The following ROBO4 variants were observed in gnomAD, a reference collection of about 807,000 sequenced individuals.
ROBO4 encodes the protein roundabout guidance receptor 4, also known as roundabout homolog 4.
A neutral mutation model predicts 103.3 loss-of-function variants in ROBO4; 80 were observed. The ratio of observed to expected loss-of-function variants is 0.77; its 90% confidence interval spans 0.65 to 0.93. The LOEUF (loss-of-function observed/expected upper bound fraction) is 0.93, where lower values mean the gene tolerates loss of function less well. ROBO4 is among the 40% of genes least tolerant of loss of function. The probability of loss-of-function intolerance (pLI) is 0.00; values close to 1 mark genes in which losing one functional copy is unlikely to be tolerated. For synonymous variants in ROBO4, 504 were observed against 529.7 expected, an observed-to-expected ratio of 0.95 and a Z score of 0.67; for missense variants, 1,333 against 1,305.3, an observed-to-expected ratio of 1.02 and a Z score of -0.33.
In ROBO4 at chr11:124,884,030, C is replaced by T. The variant is rs552593368; in HGVS notation, c.*861G>A. The T allele has an allele frequency of 6.6e-6, 1 of 152,290 alleles. No homozygotes were observed. The highest frequency in any genetic ancestry group is 6.5e-5 in the Admixed American group (1 of 15,284). 9.4% of individuals were successfully genotyped at this position (152,290 alleles called of 1,614,324 possible). On this transcript the variant is annotated 3_prime_UTR_variant, in exon 18 of 18. Coordinates refer to ENST00000306534, the MANE Select transcript of ROBO4 (RefSeq NM_019055.6). ...CCAGCAGACCCTGAAACTCCCCACCCCTGCCCTTCCTATATTCTGCTTAAA... is the reference window on the plus strand; with the variant it reads ...CCAGCAGACCCTGAAACTCCCCACCTCTGCCCTTCCTATATTCTGCTTAAA...
At chr11:124,892,094 T>G in intron 10 of ROBO4, 1 of 612,934 alleles carries the variant, frequency 1.6e-6, no homozygotes, top group Non-Finnish European at 3.0e-6. Flanking sequence ...TGAAGACAAA[T>G]CTGGTTTGAC....
chr11:124,886,433 G>A (rs1425868911), intron 16 of ROBO4, 31 bp downstream of exon 16: 1 of 1,538,214 alleles, frequency 6.5e-7, no homozygotes, highest in South Asian at 1.1e-5. Flanking sequence ...AGGGGCATGA[G>A]TGAGGAGTAA....
At position 124,887,000 on chromosome 11, in the gene ROBO4, G is replaced by A. The variant is rs1472597814; in HGVS notation, c.2412C>T (p.Leu804=). ...TPEEVALCLE[L]SEGEETPRNS... is the part of the protein sequence containing the mutation. The stretch of plus-strand genomic sequence containing the variant: ...ACCTGGGAGTCTCCTCACCCTCACT[G>A]AGTTCCAAGCACAGGGCTACCTCCT... Residue 804 remains leucine (L), a synonymous_variant, in exon 15 of 18, where the codon CTC becomes CTT. Transcript: ENST00000306534. 1.2e-6 allele frequency: 2 copies of A among 1,612,252 alleles called. No individual in the cohort carries two copies. The highest frequency in any genetic ancestry group is 1.7e-6 in the Non-Finnish European group (2 of 1,178,770).
chr11:124,891,408 C>T lies in ROBO4; in HGVS notation c.1839G>A (p.Gln613=). 6.3e-7 allele frequency: 1 copy of T among 1,582,468 alleles called. No homozygotes were observed. Among genetic ancestry groups the T allele is most frequent in the African/African-American group, 1.3e-5 (1 of 74,572 alleles). ...CTGAGCTGGAACAGGGGCTGGAGAG[C>T]TGGGCCAGCTGGGGTGGGAGGCGCC... is the stretch of plus-strand genomic sequence containing the variant. ...AVRRLPPQLA[Q]LSSPCSSSDS... The change falls in exon 12 of 18, where the codon CAG becomes CAA. Residue 613 remains glutamine, a synonymous_variant. Transcript: ENST00000306534.
Position 124,896,638 on chromosome 11 carries a change from C to T in ROBO4, c.433G>A (p.Asp145Asn), listed in dbSNP as rs779017604. 2 of 1,614,178 alleles carry T rather than the reference C, an allele frequency of 1.2e-6. No homozygotes were observed. Among genetic ancestry groups the T allele is most frequent in the Non-Finnish European group, 1.7e-6 (2 of 1,180,022 alleles). Residue 145 changes from aspartate (D) to asparagine (N), a missense_variant, in exon 3 of 18, where the codon GAC becomes AAC. Physicochemically the swap from Asp to Asn is conservative, Grantham distance 23 (BLOSUM62 1). Transcript: ENST00000306534. ...LREDFQIQPR[D>N]MVAVVGEQFT... Reference sequence around the variant, plus strand: ...TGCTCACCCACCACAGCCACCATGTCCCGAGGCTGGATCTGGAAATCCTCC... The same window carrying T: ...TGCTCACCCACCACAGCCACCATGTTCCGAGGCTGGATCTGGAAATCCTCC...
chr11:124,895,098 T>A lies in ROBO4; in HGVS notation c.1132A>T (p.Ile378Phe). 6.2e-7 allele frequency: 1 copy of A among 1,613,728 alleles called. No individual in the cohort carries two copies. The highest frequency in any genetic ancestry group is 8.5e-7 in the Non-Finnish European group (1 of 1,179,646). Reference sequence around the variant, plus strand: ...GGGGGTACCTGGTAGCCACGGATGATGCCATTGTGGTTTTCAGCAGGTGGT... The same window carrying A: ...GGGGGTACCTGGTAGCCACGGATGAAGCCATTGTGGTTTTCAGCAGGTGGT... Reference protein sequence around the residue: ...VPPPAENHNGIIRGYQVWSLG... With the variant: ...VPPPAENHNGFIRGYQVWSLG... Residue 378 changes from isoleucine (I) to phenylalanine (F), a missense_variant, in exon 7 of 18, where the codon ATC becomes TTC. Ile to Phe is a conservative substitution (Grantham distance 21, BLOSUM62 0). Transcript: ENST00000306534.
In ROBO4 at chr11:124,895,824, C is replaced by T. The variant is rs1358889913; in HGVS notation, c.768G>A (p.Glu256=). 13 of 1,614,178 alleles carry T rather than the reference C, an allele frequency of 8.1e-6. No individual in the cohort carries two copies. Among genetic ancestry groups the T allele is most frequent in the Non-Finnish European group, 1.1e-5 (13 of 1,180,048 alleles). ...ACACCGCCGGTCTAGGCTTGGGGCC[C>T]TCTGCAGGATCCGGGTTCAGCAGTG... is the stretch of plus-strand genomic sequence containing the variant. ...NVTLLNPDPA[E]GPKPRPAVWL... The change falls in exon 5 of 18, where the codon GAG becomes GAA. Residue 256 remains glutamate (E), a synonymous_variant. Coordinates refer to ENST00000306534, the MANE Select transcript of ROBO4 (RefSeq NM_019055.6).
rs138947211 is a variant in ROBO4 at position 124,892,485 on chromosome 11, C to T, written c.1548-683G>A. Reference sequence around the variant, plus strand: ...ATAGCCTTTGCTCTGACCCATCTCACACCCTATACCCGAGCCAGAACAAAT... The same window carrying T: ...ATAGCCTTTGCTCTGACCCATCTCATACCCTATACCCGAGCCAGAACAAAT... On this transcript the variant is annotated intron_variant, in intron 10 of 17. Transcript: ENST00000306534. 159 of 169,702 alleles carry T rather than the reference C, an allele frequency of 9.4e-4. 2 individuals are homozygous for T. The highest frequency in any genetic ancestry group is 3.5e-3 in the African/African-American group (145 of 41,938). 10.5% of individuals were successfully genotyped at this position (169,702 alleles called of 1,614,324 possible).
chr11:124,886,535 C>G lies in ROBO4; in HGVS notation c.2723G>C (p.Arg908Pro). The change falls in exon 16 of 18, where the codon CGG becomes CCG. Residue 908 changes from arginine (R) to proline (P), a missense_variant. By Grantham distance (103) the Arg-to-Pro change is moderately radical (BLOSUM62 -2). Transcript: ENST00000306534. ...GCTATCCACAGCCACTGCCAGGGCC[C>G]GGGCAAAGTGAGCATCAGCGAGGAA... ...GSFLADAHFA[R>P]ALAVAVDSFG... 1.2e-6 allele frequency: 2 copies of G among 1,614,212 alleles called. No homozygotes were observed. Among genetic ancestry groups the G allele is most frequent in the Non-Finnish European group, 1.7e-6 (2 of 1,180,048 alleles).
chr11:124,895,347 G>A (rs1253333500), intron 6 of ROBO4, 110 bp downstream of exon 6: 5 of 1,222,234 alleles, frequency 4.1e-6, no homozygotes, highest in Admixed American at 1.9e-5. Flanking sequence ...GGAGTCCCAG[G>A]GTAGGACCCA....
rs755088778 is a variant in ROBO4 at position 124,897,148 on chromosome 11, T to C, written c.184A>G (p.Thr62Ala). The C allele has an allele frequency of 5.1e-6, 8 of 1,562,418 alleles. No homozygotes were observed. Among genetic ancestry groups the C allele is most frequent in the Non-Finnish European group, 6.9e-6 (8 of 1,151,810 alleles). ...TGCCCATTCAGCAACCAGCGGATGG[T>C]GGGAGGTGGCTGGCCTGAGGCTTGG... ...SCQASGQPPP[T>A]IRWLLNGQPL... The change falls in exon 2 of 18, where the codon ACC becomes GCC. Residue 62 changes from threonine (T) to alanine (A), a missense_variant. Physicochemically the swap from Thr to Ala is moderately conservative, Grantham distance 58. Transcript: ENST00000306534.
At chr11:124,894,487 T>C (rs1002078077) in intron 7 of ROBO4, 118 bp from the exon 8 acceptor site, 1 of 977,948 alleles carries the variant, frequency 1.0e-6, no homozygotes, top group South Asian at 1.8e-5. Flanking sequence ...ACTTGGGGAA[T>C]GCACCCAATT....
chr11:124,886,676 C>A lies in ROBO4; in HGVS notation c.2582G>T (p.Arg861Leu), dbSNP rs761929531. 1.1e-5 allele frequency: 17 copies of A among 1,613,084 alleles called. No homozygotes were observed. The South Asian group carries it at 1.5e-4, about 15-fold the overall frequency. The change falls in exon 16 of 18, where the codon CGG becomes CTG. Residue 861 changes from arginine (R) to leucine (L), a missense_variant. Arg to Leu is a moderately radical substitution (Grantham distance 102). Coordinates refer to ENST00000306534, the MANE Select transcript of ROBO4 (RefSeq NM_019055.6). ...PKGGVLLCPP[R>L]PCLTPTPSEG... ...GCTGGGGGTGGGGGTGAGGCAGGGC[C>A]GAGGTGGGCACAGCAAGACTCCCCC...
chr11:124,890,103 T>C (rs955836974), intron 12 of ROBO4, among the ~76,000 whole-genome samples: 1 of 152,192 alleles, frequency 6.6e-6, no homozygotes, highest in Non-Finnish European at 1.5e-5. Context: ...TTAAAGTTGG[T>C]GTAGTTCTCC....
Position 124,896,636 on chromosome 11 carries a change from G to C in ROBO4, c.435C>G (p.Asp145Glu), listed in dbSNP as rs769667926. 1 of 1,614,162 alleles carries C rather than the reference G, an allele frequency of 6.2e-7. No individual in the cohort carries two copies. Among genetic ancestry groups the C allele is most frequent in the Admixed American group, 1.7e-5 (1 of 60,032 alleles). Residue 145 changes from aspartate to glutamate, a missense_variant, in exon 3 of 18, where the codon GAC becomes GAG. Transcript: ENST00000306534. ...LREDFQIQPR[D>E]MVAVVGEQFT... is the part of the protein sequence containing the mutation. ...ACTGCTCACCCACCACAGCCACCAT[G>C]TCCCGAGGCTGGATCTGGAAATCCT...
rs1196965195 is a variant in ROBO4, at chr11:124,884,689, C to G, written c.*202G>C. 1.6e-6 allele frequency: 1 copy of G among 631,478 alleles called. No homozygotes were observed. Among genetic ancestry groups the G allele is most frequent in the East Asian group, 2.7e-5 (1 of 36,714 alleles). The allele number at this position is 631,478 out of a possible 1,614,324, so 39.1% of individuals were successfully genotyped here. A position where few individuals can be genotyped will look rare whatever the true frequency, so the allele number is the denominator to read the frequency against. On this transcript the variant is annotated 3_prime_UTR_variant, in exon 18 of 18. Transcript: ENST00000306534. ...TCAGGTGGAGATGATGTTTTGCTCCCTGAGGGCTCCAGGTCAGCTTTGCTC... is the reference window on the plus strand; with the variant it reads ...TCAGGTGGAGATGATGTTTTGCTCCGTGAGGGCTCCAGGTCAGCTTTGCTC...
Position 124,894,132 on chromosome 11 carries a change from G to A in ROBO4, c.1318+69C>T, listed in dbSNP as rs145861457. The A allele has an allele frequency of 1.2e-4, 190 of 1,556,812 alleles. 1 individual carries two copies. Among genetic ancestry groups the A allele is most frequent in the Middle Eastern group, 7.0e-4 (3 of 4,260 alleles). On this transcript the variant is annotated intron_variant, in intron 8 of 17. Coordinates refer to ENST00000306534, the MANE Select transcript of ROBO4 (RefSeq NM_019055.6). Reference sequence around the variant, plus strand: ...GGGGGAAGAGCTGGAAGTGTGAGGCGGGAGCAGGGAGAGAGGAAGGCGGGA... The same window carrying A: ...GGGGGAAGAGCTGGAAGTGTGAGGCAGGAGCAGGGAGAGAGGAAGGCGGGA...
At chr11:124,895,284 A>G (rs1456876599) in intron 6 of ROBO4, 91 bp from the exon 7 acceptor site, 4 of 1,200,178 alleles carry the variant, frequency 3.3e-6, no homozygotes, top group Non-Finnish European at 4.8e-6. Flanking sequence ...TCAGAACCCT[A>G]CTGAAGAGAC....
rs1338223082 is a variant in ROBO4, at chr11:124,884,588, G to A, written c.*303C>T. On this transcript the variant is annotated 3_prime_UTR_variant, in exon 18 of 18. Coordinates refer to ENST00000306534, the MANE Select transcript of ROBO4 (RefSeq NM_019055.6). Reference sequence around the variant, plus strand: ...TCCAAATGGTGGGGGAAGAGCAGCAGGCAGGGCTGCTCCTCAGGCCAAAAC... The same window carrying A: ...TCCAAATGGTGGGGGAAGAGCAGCAAGCAGGGCTGCTCCTCAGGCCAAAAC... 2.0e-6 allele frequency: 1 copy of A among 490,542 alleles called. No individual in the cohort carries two copies. Among genetic ancestry groups the A allele is most frequent in the Non-Finnish European group, 3.6e-6 (1 of 274,668 alleles). 30.4% of individuals were successfully genotyped at this position (490,542 alleles called of 1,614,324 possible).
Sources: allele counts gnomAD v4.1 joint callset (sites outside exome capture counted in the v4.1 genomes callset), GRCh38; gene constraint gnomAD v4.1.1; transcripts MANE v1.5; gene names NCBI Gene and HGNC (gene_info 2026-07-23, HGNC 2026-07-21).